PRKG1: variants seen among roughly 807,000 people sequenced by gnomAD.
The protein encoded by PRKG1 is cGMP-dependent protein kinase 1.
A neutral mutation model predicts 88.1 loss-of-function variants in PRKG1; 35 were observed. The ratio of observed to expected loss-of-function variants is 0.40; its 90% CI spans 0.30 to 0.53. The LOEUF (loss-of-function observed/expected upper bound fraction) is 0.53, where lower values mean the gene tolerates loss of function less well. PRKG1 is among the 20% of genes least tolerant of loss of function. The pLI is 0.59. For synonymous variants in PRKG1, 303 were observed against 292.5 expected, an observed-to-expected ratio of 1.04 and a Z score of -0.37; for missense variants, 540 against 839.8, an observed-to-expected ratio of 0.64 and a Z score of 4.41.
rs1491222365 is a variant in PRKG1 at position 51,671,591 on chromosome 10, T to TC, written c.593-132994_593-132993insC. On this transcript the variant is annotated intron_variant, in intron 3 of 17. Transcript: ENST00000373980. ...CTCTTCTTCTCTCTCTCTCTCTCTC[T>TC]TTTTTTTTTTTTTGAGATGGAGTCT... 3.1e-3 allele frequency among the ~76,000 whole-genome samples: 372 copies of TC among 120,616 alleles called. 2 individuals are homozygous for TC. The highest frequency in any genetic ancestry group is 0.011 in the African/African-American group (344 of 30,396). The allele number at this position is 120,616 out of a possible 152,430, so 79.1% of individuals were successfully genotyped here.
At chr10:51,605,326 G>A (rs757150562) in intron 3 of PRKG1, among the ~76,000 whole-genome samples, 11 of 152,184 alleles carry the variant, frequency 7.2e-5, no homozygotes, top group Non-Finnish European at 1.3e-4. Flanking sequence ...ACTTAGGTCC[G>A]TAGGCACAGG....
intron 3 of PRKG1, among the ~76,000 whole-genome samples, chr10:51,704,011 G>C (rs945931615): frequency 1.3e-5 from 2 of 151,762 alleles, no homozygotes; most frequent in South Asian, 4.2e-4. Context: ...CAGGTGTGGT[G>C]GTGCATGCTT....
chr10:51,590,964 A>C (rs766232604), intron 3 of PRKG1, among the ~76,000 whole-genome samples: 1 of 152,244 alleles, frequency 6.6e-6, no homozygotes, highest in Non-Finnish European at 1.5e-5. Context: ...TGCAATTAAC[A>C]GACCTGAGAC....
At chr10:51,474,738 G>C (rs1840145299) in intron 3 of PRKG1, among the ~76,000 whole-genome samples, 1 of 151,950 alleles carries the variant, frequency 6.6e-6, no homozygotes, top group South Asian at 2.1e-4. Context: ...ATTATGTTTT[G>C]TTATATAACA....
At chr10:52,097,996 C>T (rs1314538599) in intron 7 of PRKG1, among the ~76,000 whole-genome samples, 1 of 151,878 alleles carries the variant, frequency 6.6e-6, no homozygotes, top group Non-Finnish European at 1.5e-5. Context: ...CTATATAGAA[C>T]ATTTATCATA....
intron 3 of PRKG1, among the ~76,000 whole-genome samples, chr10:51,700,385 GTTA>G (rs1317978036): frequency 2.6e-5 from 4 of 152,140 alleles, no homozygotes; most frequent in African/African-American, 4.8e-5. Flanking sequence ...TGATTAATTA[GTTA>G]TTAGTATTTT....
intron 1 of PRKG1, among the ~76,000 whole-genome samples, chr10:50,998,096 C>G (rs984810014): frequency 2.0e-5 from 3 of 152,134 alleles, no homozygotes; most frequent in Non-Finnish European, 4.4e-5. Flanking sequence ...GTCACATAGC[C>G]CAGTGCTTAG....
intron 3 of PRKG1, among the ~76,000 whole-genome samples, chr10:51,645,256 G>T (rs1282754042): frequency 6.6e-6 from 1 of 152,110 alleles, no homozygotes; most frequent in Non-Finnish European, 1.5e-5. Context: ...AGACTTGCTT[G>T]ACCCAGGAGA....
In PRKG1 at chr10:52,256,363, GA is replaced by G. The variant is rs538149006; in HGVS notation, c.1173+4705del. Among the ~76,000 whole-genome samples, 32 of 138,472 alleles carry G rather than the reference GA, an allele frequency of 2.3e-4. 8 individuals carry two copies. The East Asian group carries it at 3.1e-3, about 13-fold the overall frequency. 90.8% of individuals were successfully genotyped at this position (138,472 alleles called of 152,430 possible). A position where few individuals can be genotyped will look rare whatever the true frequency, so the allele number is the denominator to read the frequency against. ...AGTTTAATGGCAAAATACCTGCAGAGAAAAAAAATCCGACAGTGTAACATGG... is the reference window on the plus strand; with the variant it reads ...AGTTTAATGGCAAAATACCTGCAGAGAAAAAAATCCGACAGTGTAACATGG... On this transcript the variant is annotated intron_variant, in intron 10 of 17. Coordinates refer to ENST00000373980, the MANE Select transcript of PRKG1 (RefSeq NM_006258.4).
At chr10:51,754,376 T>C (rs1589259604) in intron 3 of PRKG1, among the ~76,000 whole-genome samples, 2 of 152,334 alleles carry the variant, frequency 1.3e-5, no homozygotes, top group South Asian at 4.1e-4. Context: ...TAACTTCTGC[T>C]GGTGACCTAT....
At chr10:51,838,896 A>G (rs1418181365) in intron 4 of PRKG1, among the ~76,000 whole-genome samples, 1 of 152,198 alleles carries the variant, frequency 6.6e-6, no homozygotes, top group Non-Finnish European at 1.5e-5. Flanking sequence ...TCCAGCCAAA[A>G]CTGGGACTTA....
intron 3 of PRKG1, among the ~76,000 whole-genome samples, chr10:51,626,880 A>C (rs1839350470): frequency 6.6e-6 from 1 of 152,090 alleles, no homozygotes; most frequent in Non-Finnish European, 1.5e-5. Context: ...CTAGATGTTA[A>C]ATTTTTAGTG....
At chr10:50,999,744 C>T in intron 1 of PRKG1, among the ~76,000 whole-genome samples, 1 of 152,124 alleles carries the variant, frequency 6.6e-6, no homozygotes. Context: ...TTCTCATTGC[C>T]CCCATAGTGC....
intron 7 of PRKG1, among the ~76,000 whole-genome samples, chr10:52,106,414 C>G (rs1298619714): frequency 6.6e-6 from 1 of 152,124 alleles, no homozygotes; most frequent in Admixed American, 6.6e-5. Context: ...CGTACTACCT[C>G]TGGCAACCTT....
At chr10:51,705,734 A>G (rs889593605) in intron 3 of PRKG1, among the ~76,000 whole-genome samples, 1 of 152,230 alleles carries the variant, frequency 6.6e-6, no homozygotes, top group Non-Finnish European at 1.5e-5. Flanking sequence ...TAGGTAAAGA[A>G]CAGAGGCACA....
chr10:52,063,273 T>A (rs1240187845), intron 7 of PRKG1, among the ~76,000 whole-genome samples: 3 of 152,172 alleles, frequency 2.0e-5, no homozygotes, highest in Non-Finnish European at 2.9e-5. Context: ...TGCCGTGAGG[T>A]GGGCAGCTCC....
intron 3 of PRKG1, among the ~76,000 whole-genome samples, chr10:51,615,297 T>C (rs917027110): frequency 3.3e-5 from 5 of 152,282 alleles, no homozygotes; most frequent in African/African-American, 1.2e-4. Context: ...AGTTTGACTA[T>C]AATATACCAT....
In PRKG1 at chr10:52,282,321, G is replaced by A; in HGVS notation, c.1709+5G>A. On this transcript the variant is annotated splice_donor_5th_base_variant and intron_variant, in intron 14 of 17. Coordinates refer to ENST00000373980, the MANE Select transcript of PRKG1 (RefSeq NM_006258.4). ...GTATGAACTCCTGACTGGCAGGTATGGATATTGATAGGGAACTGCTGATAA... is the reference window on the plus strand; with the variant it reads ...GTATGAACTCCTGACTGGCAGGTATAGATATTGATAGGGAACTGCTGATAA... The A allele has an allele frequency of 5.7e-6, 9 of 1,582,094 alleles. No homozygotes were observed. Among genetic ancestry groups the A allele is most frequent in the Non-Finnish European group, 7.7e-6 (9 of 1,162,004 alleles).
At chr10:52,008,040 T>A (rs1173592705) in intron 5 of PRKG1, among the ~76,000 whole-genome samples, 1 of 152,068 alleles carries the variant, frequency 6.6e-6, no homozygotes, top group African/African-American at 2.4e-5. Context: ...TGGAAAATAA[T>A]GTAATTAAGG....
Sources: allele counts gnomAD v4.1 joint callset (sites outside exome capture counted in the v4.1 genomes callset), GRCh38; gene constraint gnomAD v4.1.1; transcripts MANE v1.5; gene names NCBI Gene and HGNC (gene_info 2026-07-23, HGNC 2026-07-21).